Variants in MINDY4 observed in about 807,000 individuals in gnomAD.
MINDY4 encodes the protein probable ubiquitin carboxyl-terminal hydrolase MINDY-4.
A neutral mutation model predicts 87.0 loss-of-function variants in MINDY4; 68 were observed. The observed-to-expected ratio is 0.78, with a 90% CI of 0.64 to 0.96. The LOEUF is 0.96. Ranked by LOEUF, MINDY4 falls within the 40% of genes least tolerant of loss-of-function variation. The pLI, the probability that MINDY4 is intolerant of heterozygous loss-of-function variation, is 0.00. For synonymous variants in MINDY4, 379 were observed against 363.2 expected, an observed-to-expected ratio of 1.04 and a Z score of -0.50; for missense variants, 919 against 928.2, an observed-to-expected ratio of 0.99 and a Z score of 0.13.
intron 13 of MINDY4, 78 bp from the exon 14 acceptor site, chr7:30,872,165 G>A: frequency 7.5e-7 from 1 of 1,332,234 alleles, no homozygotes; most frequent in East Asian, 2.4e-5. Context: ...GAACCTAAGG[G>A]GAGCGCCTGG....
At chr7:30,786,209 C>G in intron 4 of MINDY4, 1 of 583,230 alleles carries the variant, frequency 1.7e-6, no homozygotes. Flanking sequence ...CTTAGCTTAC[C>G]CATTTTGTTT....
rs572082567 is a variant in MINDY4, at chr7:30,821,607, A to G, written c.1074-7072A>G. Among the ~76,000 whole-genome samples the G allele has an allele frequency of 2.6e-5, 4 of 152,298 alleles. No homozygotes were observed. In the East Asian group the frequency reaches 5.8e-4, roughly 22 times the overall value. On this transcript the variant is annotated intron_variant, in intron 5 of 17. Transcript: ENST00000265299. Reference sequence around the variant, plus strand: ...GAATCTCATGTTTCTATGAGAATGCATGTCTGGAAAGTTCTTAGCAATTAC... The same window carrying G: ...GAATCTCATGTTTCTATGAGAATGCGTGTCTGGAAAGTTCTTAGCAATTAC...
intron 5 of MINDY4, among the ~76,000 whole-genome samples, chr7:30,811,289 A>G (rs950426327): frequency 6.6e-6 from 1 of 152,136 alleles, no homozygotes; most frequent in African/African-American, 2.4e-5. Context: ...AAGATTTAAA[A>G]CTCTTGTAAT....
chr7:30,777,528 C>G (rs955602810), intron 1 of MINDY4, among the ~76,000 whole-genome samples: 24 of 152,164 alleles, frequency 1.6e-4, no homozygotes, highest in African/African-American at 5.3e-4. Context: ...CTTTTAGTTT[C>G]CCAAATTGAC....
chr7:30,828,892 T>A (rs1788603496), intron 6 of MINDY4, among the ~76,000 whole-genome samples, 155 bp downstream of exon 6: 1 of 152,114 alleles, frequency 6.6e-6, no homozygotes, highest in South Asian at 2.1e-4. Flanking sequence ...ACTCTCTCTC[T>A]GATTGATGTC....
At position 30,875,647 on chromosome 7, in the gene MINDY4, C is replaced by A. The variant is rs10215354; in HGVS notation, c.1962C>A (p.Asn654Lys). Reference protein sequence around the residue: ...IGFLSLFEHYNMCQVGCFLKT... With the variant: ...IGFLSLFEHYKMCQVGCFLKT... Reference sequence around the variant, plus strand: ...TCTTATCTCTCTTTGAGCATTACAACATGTGCCAGGTACCCAGATGCTCAC... The same window carrying A: ...TCTTATCTCTCTTTGAGCATTACAAAATGTGCCAGGTACCCAGATGCTCAC... Residue 654 changes from asparagine (N) to lysine (K), a missense_variant, in exon 15 of 18, where the codon AAC (asparagine) becomes AAA (lysine). Transcript: ENST00000265299. 17 of 1,607,748 alleles carry A rather than the reference C, an allele frequency of 1.1e-5. No homozygotes were observed. In the South Asian group the frequency reaches 1.7e-4, roughly 16 times the overall value.
rs369651501 is a variant in MINDY4 at position 30,882,969 on chromosome 7, C to T, written c.2201C>T (p.Pro734Leu). 20 of 1,614,090 alleles carry T rather than the reference C, an allele frequency of 1.2e-5. 1 individual carries two copies. Among genetic ancestry groups the T allele is most frequent in the South Asian group, 2.2e-5 (2 of 91,064 alleles). Reference protein sequence around the residue: ...SEDTDNDLVPPLELCIRTKWK... With the variant: ...SEDTDNDLVPLLELCIRTKWK... Reference sequence around the variant, plus strand: ...GACACAGACAACGACCTTGTCCCACCCCTCGAGCTCTGCATCAGAACCAAG... The same window carrying T: ...GACACAGACAACGACCTTGTCCCACTCCTCGAGCTCTGCATCAGAACCAAG... Residue 734 changes from proline (P) to leucine (L), a missense_variant, in exon 17 of 18, where the codon CCC becomes CTC. Physicochemically the swap from Pro to Leu is moderately conservative, Grantham distance 98 (BLOSUM62 -3). Coordinates refer to ENST00000265299, the MANE Select transcript of MINDY4 (RefSeq NM_032222.3).
At chr7:30,806,638 C>T (rs1787813364) in intron 5 of MINDY4, among the ~76,000 whole-genome samples, 1 of 152,276 alleles carries the variant, frequency 6.6e-6, no homozygotes, top group African/African-American at 2.4e-5. Flanking sequence ...CTCCTGTGCC[C>T]TTGGGCATGT....
At chr7:30,859,110 T>G (rs994321428) in intron 12 of MINDY4, 147 bp from the exon 13 acceptor site, 2 of 764,572 alleles carry the variant, frequency 2.6e-6, no homozygotes, top group African/African-American at 3.4e-5. Context: ...GAGGTCAGCC[T>G]TCGGGCCACC....
At chr7:30,877,713 ACT>A (rs1306868712) in intron 15 of MINDY4, among the ~76,000 whole-genome samples, 1 of 125,658 alleles carries the variant, frequency 8.0e-6, no homozygotes, top group Admixed American at 8.7e-5. Flanking sequence ...ACAAGGTCTC[ACT>A]CTGTCACCCA....
At chr7:30,782,638 G>A (rs1009963782) in intron 3 of MINDY4, among the ~76,000 whole-genome samples, 1 of 152,086 alleles carries the variant, frequency 6.6e-6, no homozygotes, top group Non-Finnish European at 1.5e-5. Flanking sequence ...AGGAGTTCAA[G>A]GCTGCAGTGA....
At chr7:30,823,182 G>C (rs1788393498) in intron 5 of MINDY4, among the ~76,000 whole-genome samples, 2 of 152,088 alleles carry the variant, frequency 1.3e-5, no homozygotes, top group Admixed American at 1.3e-4. Context: ...TGTTAACGTG[G>C]TGTATGTCAC....
chr7:30,876,345 C>G (rs370451194), intron 15 of MINDY4, among the ~76,000 whole-genome samples: 1 of 152,160 alleles, frequency 6.6e-6, no homozygotes, highest in Non-Finnish European at 1.5e-5. Context: ...AGTATGACCT[C>G]GTCTTAACTA....
At chr7:30,852,382 C>T in intron 11 of MINDY4, 103 bp downstream of exon 11, 3 of 1,572,444 alleles carry the variant, frequency 1.9e-6, no homozygotes, top group Non-Finnish European at 2.6e-6. Context: ...GGCTGGCCTT[C>T]CGCAGCCCAG....
chr7:30,824,123 A>G (rs1468428743), intron 5 of MINDY4, among the ~76,000 whole-genome samples: 2 of 152,186 alleles, frequency 1.3e-5, no homozygotes, highest in Non-Finnish European at 2.9e-5. Context: ...AGGAAACAAA[A>G]TTTGTGTCCT....
chr7:30,842,321 G>A (rs1338906542), intron 9 of MINDY4, among the ~76,000 whole-genome samples: 1 of 152,176 alleles, frequency 6.6e-6, no homozygotes, highest in Non-Finnish European at 1.5e-5. Flanking sequence ...TGGAAGTTCA[G>A]CCCCACAAAG....
At chr7:30,807,753 T>C (rs1191861150) in intron 5 of MINDY4, among the ~76,000 whole-genome samples, 1 of 152,218 alleles carries the variant, frequency 6.6e-6, no homozygotes, top group Non-Finnish European at 1.5e-5. Flanking sequence ...TGTTCTGTTC[T>C]GTTCTGTTCT....
chr7:30,882,125 G>A, intron 15 of MINDY4, 56 bp from the exon 16 acceptor site: 2 of 1,520,906 alleles, frequency 1.3e-6, no homozygotes, highest in Admixed American at 1.9e-5. Context: ...ACAGAAAAAT[G>A]CCCGGACCCC....
At chr7:30,808,100 C>A (rs6977076) in intron 5 of MINDY4, among the ~76,000 whole-genome samples, 1 of 151,982 alleles carries the variant, frequency 6.6e-6, no homozygotes, top group Non-Finnish European at 1.5e-5. Context: ...GCTTGAGCGA[C>A]GCAGATCCTG....
Sources: gnomAD v4.1 joint callset for allele counts (sites outside exome capture counted in the v4.1 genomes callset) on GRCh38, gnomAD v4.1.1 for gene constraint, MANE v1.5 for transcripts, NCBI Gene and HGNC (gene_info 2026-07-23, HGNC 2026-07-21) for gene names.